Variants in SPAG16 observed in about 807,000 individuals in gnomAD.
The protein encoded by SPAG16 is sperm associated antigen 16.
In SPAG16, 86 loss-of-function variants were observed where a neutral mutation model predicts 80.4. That is an observed-to-expected ratio of 1.07 (90% CI 0.90 to 1.28). The LOEUF (loss-of-function observed/expected upper bound fraction) is 1.28, where lower values mean the gene tolerates loss of function less well. Ranked by LOEUF, SPAG16 falls within the 50% of genes most tolerant of loss-of-function variation. SPAG16 has a pLI of 0.00. For missense variants in SPAG16, 870 were observed against 765.3 expected (o/e 1.14, Z -1.61); for synonymous variants, 294 against 265.9 (o/e 1.11, Z -1.03).
intron 9 of SPAG16, among the ~76,000 whole-genome samples, chr2:213,377,030 T>C (rs532500491): frequency 3.1e-4 from 47 of 152,178 alleles, no homozygotes; most frequent in Non-Finnish European, 5.0e-4. Flanking sequence ...TCCTAGATTA[T>C]CTCCTTGAGT....
At chr2:214,319,596 G>A (rs995376818) in intron 15 of SPAG16, among the ~76,000 whole-genome samples, 5 of 152,066 alleles carry the variant, frequency 3.3e-5, no homozygotes, top group African/African-American at 4.8e-5. Flanking sequence ...TAGTGGCCAA[G>A]GCTGGGTGAC....
chr2:213,514,480 A>G (rs888628024), intron 10 of SPAG16, among the ~76,000 whole-genome samples: 5 of 151,876 alleles, frequency 3.3e-5, no homozygotes, highest in Non-Finnish European at 7.4e-5. Context: ...ATTTTTTTTT[A>G]TTATACTTTA....
At chr2:213,859,860 A>C (rs1457456183) in intron 10 of SPAG16, among the ~76,000 whole-genome samples, 1 of 152,222 alleles carries the variant, frequency 6.6e-6, no homozygotes, top group Non-Finnish European at 1.5e-5. Context: ...ATTGGGGTTG[A>C]GCATACAGCA....
Position 213,292,684 on chromosome 2 carries a change from AC to A in SPAG16, c.137-3379del, listed in dbSNP as rs370737809. 5.1e-4 allele frequency among the ~76,000 whole-genome samples: 68 copies of A among 133,406 alleles called. 3 individuals are homozygous for A. The highest frequency in any genetic ancestry group is 1.9e-3 in the African/African-American group (64 of 34,460). The allele number at this position is 133,406 out of a possible 152,430, so 87.5% of individuals were successfully genotyped here. A position where few individuals can be genotyped will look rare whatever the true frequency, so the allele number is the denominator to read the frequency against. On this transcript the variant is annotated intron_variant, in intron 1 of 15. Coordinates refer to ENST00000331683, the MANE Select transcript of SPAG16 (RefSeq NM_024532.5). ...GTCTCAAAAAAAAAAAACAAAAAAA[AC>A]AAAAAAAAACAAAACTATCAGAAAG... is the stretch of plus-strand genomic sequence containing the variant.
At chr2:214,299,531 G>A (rs1470515454) in intron 15 of SPAG16, among the ~76,000 whole-genome samples, 1 of 151,998 alleles carries the variant, frequency 6.6e-6, no homozygotes, top group Non-Finnish European at 1.5e-5. Context: ...ACAGGCATGA[G>A]CCACCGTGCC....
In SPAG16 at chr2:213,705,300, A is replaced by G. The variant is rs1283333939; in HGVS notation, c.1071-157185A>G. Among the ~76,000 whole-genome samples, 6 of 151,580 alleles carry G rather than the reference A, an allele frequency of 4.0e-5. No homozygotes were observed. The South Asian group carries it at 6.2e-4, about 16-fold the overall frequency. On this transcript the variant is annotated intron_variant, in intron 10 of 15. Coordinates refer to ENST00000331683, the MANE Select transcript of SPAG16 (RefSeq NM_024532.5). ...GGAGGGAGGAAGGGAGGGAGGGAGGAAGGAAGGAAGGAAGGAATCAAGTAG... is the reference window on the plus strand; with the variant it reads ...GGAGGGAGGAAGGGAGGGAGGGAGGGAGGAAGGAAGGAAGGAATCAAGTAG...
chr2:213,471,340 T>C (rs902322732), intron 9 of SPAG16, among the ~76,000 whole-genome samples: 3 of 152,142 alleles, frequency 2.0e-5, no homozygotes, highest in African/African-American at 4.8e-5. Context: ...ATCACGTATA[T>C]ACCACTTCCA....
At chr2:214,086,882 A>G (rs1432222634) in intron 13 of SPAG16, among the ~76,000 whole-genome samples, 3 of 152,214 alleles carry the variant, frequency 2.0e-5, no homozygotes, top group African/African-American at 7.2e-5. Context: ...ACTTTCAGTG[A>G]AAGAATTGGC....
At position 214,018,191 on chromosome 2, in the gene SPAG16, A is replaced by T. The variant is rs953922584; in HGVS notation, c.1527+4114A>T. On this transcript the variant is annotated intron_variant, in intron 13 of 15. Coordinates refer to ENST00000331683, the MANE Select transcript of SPAG16 (RefSeq NM_024532.5). ...TACGATAATCCAAAAATTAAACAGA[A>T]TCATTCCACTAACATTGCATTAGGC... 3.3e-5 allele frequency among the ~76,000 whole-genome samples: 5 copies of T among 152,258 alleles called. No individual in the cohort carries two copies. The South Asian group carries it at 1.0e-3, about 32-fold the overall frequency.
chr2:213,647,291 A>T (rs2062854597), intron 10 of SPAG16, among the ~76,000 whole-genome samples: 1 of 152,190 alleles, frequency 6.6e-6, no homozygotes, highest in African/African-American at 2.4e-5. Context: ...ATATACGTAC[A>T]GTTGAGCAAT....
chr2:213,779,433 G>C (rs902756545), intron 10 of SPAG16, among the ~76,000 whole-genome samples: 3 of 152,148 alleles, frequency 2.0e-5, no homozygotes, highest in African/African-American at 7.2e-5. Flanking sequence ...GGAAGTCAGT[G>C]TTCCAACTCT....
chr2:213,746,258 A>G (rs1199664073), intron 10 of SPAG16, among the ~76,000 whole-genome samples: 1 of 152,210 alleles, frequency 6.6e-6, no homozygotes, highest in Non-Finnish European at 1.5e-5. Context: ...AAGCCGCCTG[A>G]AGTTGCAGAG....
chr2:213,333,289 CA>C (rs2064190428), intron 5 of SPAG16, among the ~76,000 whole-genome samples: 1 of 151,844 alleles, frequency 6.6e-6, no homozygotes, highest in Non-Finnish European at 1.5e-5. Context: ...TAGGAAGTAA[CA>C]AGCAAATAAA....
intron 12 of SPAG16, among the ~76,000 whole-genome samples, chr2:213,954,219 C>G (rs934794874): frequency 6.6e-6 from 1 of 151,290 alleles, no homozygotes; most frequent in African/African-American, 2.4e-5. Context: ...CTTAAAACCA[C>G]TAATCTACTT....
At chr2:214,330,136 G>A (rs1234450884) in intron 15 of SPAG16, among the ~76,000 whole-genome samples, 3 of 151,386 alleles carry the variant, frequency 2.0e-5, no homozygotes, top group Admixed American at 6.6e-5. Flanking sequence ...AAGTAGCTGG[G>A]TTTGGTGGCG....
intron 15 of SPAG16, among the ~76,000 whole-genome samples, chr2:214,309,994 T>G (rs1252583387): frequency 1.3e-5 from 2 of 152,188 alleles, no homozygotes; most frequent in African/African-American, 4.8e-5. Flanking sequence ...AGCTTCCTTA[T>G]AGTCTATATT....
intron 10 of SPAG16, among the ~76,000 whole-genome samples, chr2:213,774,577 G>A (rs2069454496): frequency 6.6e-6 from 1 of 152,154 alleles, no homozygotes; most frequent in South Asian, 2.1e-4. Context: ...CTGAGTTAAT[G>A]GGGGTTAGGA....
intron 15 of SPAG16, among the ~76,000 whole-genome samples, chr2:214,282,028 T>G (rs1360833905): frequency 6.6e-6 from 1 of 152,142 alleles, no homozygotes; most frequent in Non-Finnish European, 1.5e-5. Context: ...AATCTCTCAT[T>G]ATAAAGGAGA....
intron 10 of SPAG16, among the ~76,000 whole-genome samples, chr2:213,727,642 T>A (rs2066829765): frequency 6.6e-6 from 1 of 152,010 alleles, no homozygotes; most frequent in Non-Finnish European, 1.5e-5. Context: ...AAAGGAGTGT[T>A]GGGAGATAAG....
Sources: allele counts gnomAD v4.1 joint callset (sites outside exome capture counted in the v4.1 genomes callset), GRCh38; gene constraint gnomAD v4.1.1; transcripts MANE v1.5; gene names NCBI Gene and HGNC (gene_info 2026-07-23, HGNC 2026-07-21).